TNIK: variants seen among roughly 807,000 people sequenced by gnomAD.
TNIK encodes the protein TRAF2 and NCK interacting kinase, also known as TRAF2 and NCK-interacting protein kinase.
In TNIK, 49 loss-of-function variants were observed where a neutral mutation model predicts 191.3. That is an observed-to-expected ratio of 0.26 (90% CI 0.20 to 0.32). The LOEUF (loss-of-function observed/expected upper bound fraction) is 0.32, where lower values mean the gene tolerates loss of function less well. Among genes scored for constraint, TNIK ranks in the 10% least tolerant of loss-of-function variants. TNIK has a pLI of 1.00. For missense variants in TNIK, 1,155 were observed against 1,702.3 expected (o/e 0.68, Z 5.66); for synonymous variants, 594 against 600.9 (o/e 0.99, Z 0.17).
intron 1 of TNIK, among the ~76,000 whole-genome samples, chr3:171,394,709 A>G (rs1161744342): frequency 1.3e-5 from 2 of 152,244 alleles, no homozygotes; most frequent in Non-Finnish European, 2.9e-5. Flanking sequence ...GTTTTGTCTA[A>G]AAAACAAATG....
intron 2 of TNIK, among the ~76,000 whole-genome samples, chr3:171,254,299 G>A (rs145212177): frequency 2.0e-5 from 3 of 152,016 alleles, no homozygotes; most frequent in African/African-American, 4.8e-5. Context: ...CAAATTCTTC[G>A]GACCCCAAAG....
chr3:171,118,013 C>T (rs1431094440), intron 18 of TNIK, among the ~76,000 whole-genome samples: 1 of 152,072 alleles, frequency 6.6e-6, no homozygotes, highest in Non-Finnish European at 1.5e-5. Context: ...TCCCTGTTTG[C>T]AGATGACATG....
intron 2 of TNIK, among the ~76,000 whole-genome samples, chr3:171,351,662 G>A (rs747611451): frequency 2.0e-5 from 3 of 152,118 alleles, no homozygotes; most frequent in Non-Finnish European, 2.9e-5. Flanking sequence ...ATTCATAGTA[G>A]TAGCCAAATG....
At chr3:171,213,878 C>G (rs970197700) in intron 3 of TNIK, among the ~76,000 whole-genome samples, 2 of 151,992 alleles carry the variant, frequency 1.3e-5, no homozygotes, top group Non-Finnish European at 2.9e-5. Context: ...TTATAAGTCC[C>G]AGCATTTTGT....
chr3:171,321,880 A>C (rs1755201504), intron 2 of TNIK, among the ~76,000 whole-genome samples: 1 of 152,186 alleles, frequency 6.6e-6, no homozygotes, highest in Non-Finnish European at 1.5e-5. Context: ...AATTAGCATA[A>C]ATGTCAGTTC....
chr3:171,136,994 T>C (rs1730080174), intron 15 of TNIK, among the ~76,000 whole-genome samples: 1 of 152,086 alleles, frequency 6.6e-6, no homozygotes, highest in South Asian at 2.1e-4. Flanking sequence ...AAAACAATTT[T>C]TCCACACACT....
At chr3:171,208,824 T>C (rs1296076174) in intron 4 of TNIK, among the ~76,000 whole-genome samples, 4 of 152,166 alleles carry the variant, frequency 2.6e-5, no homozygotes, top group South Asian at 2.1e-4. Flanking sequence ...CCTCCCAAAG[T>C]GCTGGGATTA....
chr3:171,389,185 T>A (rs1455211082), intron 1 of TNIK, among the ~76,000 whole-genome samples: 3 of 152,172 alleles, frequency 2.0e-5, no homozygotes, highest in African/African-American at 7.2e-5. Context: ...AACCACCTGG[T>A]ACTTATTAGG....
intron 4 of TNIK, among the ~76,000 whole-genome samples, chr3:171,208,103 G>A (rs1234690427): frequency 6.6e-6 from 1 of 152,194 alleles, no homozygotes; most frequent in Non-Finnish European, 1.5e-5. Context: ...GGCCAAGGCA[G>A]GAGAATTGCT....
chr3:171,185,674 G>T, intron 7 of TNIK, among the ~76,000 whole-genome samples: 1 of 152,260 alleles, frequency 6.6e-6, no homozygotes, highest in East Asian at 1.9e-4. Flanking sequence ...CACAAAACCA[G>T]ACTCTGCAAT....
intron 24 of TNIK, 50 bp downstream of exon 24, chr3:171,087,292 C>T (rs770535038): frequency 4.4e-6 from 7 of 1,607,620 alleles, no homozygotes; most frequent in Middle Eastern, 1.8e-4. Context: ...GGTTTTAGAA[C>T]CCCAGGAAGG....
intron 2 of TNIK, among the ~76,000 whole-genome samples, chr3:171,230,827 T>TCTTC (rs1219833837): frequency 1.3e-5 from 2 of 152,098 alleles, no homozygotes; most frequent in Non-Finnish European, 2.9e-5. Flanking sequence ...CCCTCTCTGG[T>TCTTC]CTTCCTTCCT....
intron 4 of TNIK, among the ~76,000 whole-genome samples, chr3:171,200,245 C>T (rs570773273): frequency 2.4e-4 from 34 of 141,272 alleles, no homozygotes; most frequent in African/African-American, 7.9e-4. Flanking sequence ...ACATGCATAC[C>T]ACTTGAGAAG....
intron 1 of TNIK, among the ~76,000 whole-genome samples, chr3:171,403,471 G>A (rs909390850): frequency 6.6e-6 from 1 of 152,100 alleles, no homozygotes; most frequent in African/African-American, 2.4e-5. Context: ...AAAATTAGTT[G>A]GGCGTGGTGG....
chr3:171,191,933 A>C (rs1400174187), intron 5 of TNIK, among the ~76,000 whole-genome samples: 2 of 152,244 alleles, frequency 1.3e-5, no homozygotes, highest in Non-Finnish European at 2.9e-5. Context: ...AATTCAATGT[A>C]TCGGGTCCCC....
At chr3:171,256,157 C>T (rs551135104) in intron 2 of TNIK, among the ~76,000 whole-genome samples, 13 of 151,958 alleles carry the variant, frequency 8.6e-5, no homozygotes, top group Admixed American at 5.2e-4. Context: ...GCTGTTGTTT[C>T]GGGGTTTTTC....
rs528695279 is a variant in TNIK at position 171,072,820 on chromosome 3, ACACACACACCC to A, written c.3449-1508_3449-1498del. On this transcript the variant is annotated intron_variant, in intron 28 of 32. Transcript: ENST00000436636. ...CAATCCCATTTATAATAACAGACAC[ACACACACACCC>A]CACACACACCCCTAGGATAATACAT... Among the ~76,000 whole-genome samples the A allele has an allele frequency of 9.7e-4, 148 of 152,114 alleles. 2 individuals are homozygous for A. In the East Asian group the frequency reaches 0.013, roughly 13 times the overall value.
At chr3:171,123,456 G>T in intron 18 of TNIK, 140 bp downstream of exon 18, 1 of 555,542 alleles carries the variant, frequency 1.8e-6, no homozygotes, top group Non-Finnish European at 3.0e-6. Flanking sequence ...CATGTGTTCT[G>T]GACCATCAAC....
chr3:171,351,250 A>AATAT (rs532347453), intron 2 of TNIK, among the ~76,000 whole-genome samples: 2,792 of 94,030 alleles, frequency 0.03, 97 homozygotes, highest in African/African-American at 0.08. Context: ...CCATAGAGAA[A>AATAT]ATATATATAT....
Sources: gnomAD v4.1 joint callset for allele counts (sites outside exome capture counted in the v4.1 genomes callset) on GRCh38, gnomAD v4.1.1 for gene constraint, MANE v1.5 for transcripts, NCBI Gene and HGNC (gene_info 2026-07-23, HGNC 2026-07-21) for gene names.